Variants in FAM124A observed in about 807,000 individuals in gnomAD.
FAM124A encodes family with sequence similarity 124 member A, also known as protein FAM124A.
A neutral mutation model predicts 24.5 loss-of-function variants in FAM124A; 23 were observed. The observed-to-expected ratio is 0.94, with a 90% CI of 0.68 to 1.33. FAM124A has a LOEUF of 1.33. Ranked by LOEUF, FAM124A falls within the 40% of genes most tolerant of loss-of-function variation. The pLI is 0.00. For missense variants in FAM124A, 623 were observed against 722.8 expected (o/e 0.86, Z 1.58); for synonymous variants, 287 against 314.7 (o/e 0.91, Z 0.93).
intron 3 of FAM124A, among the ~76,000 whole-genome samples, chr13:51,257,602 A>G (rs544867399): frequency 6.6e-6 from 1 of 152,280 alleles, no homozygotes; most frequent in South Asian, 2.1e-4. Flanking sequence ...GATCTTCACC[A>G]AGGCCTACGG....
At chr13:51,278,127 G>GA (rs1199436161) in intron 3 of FAM124A, among the ~76,000 whole-genome samples, 1 of 152,234 alleles carries the variant, frequency 6.6e-6, no homozygotes. Flanking sequence ...GCTTCAAAGA[G>GA]AAAGAAAGGA....
In FAM124A at chr13:51,281,974, C is replaced by G. The variant is rs1954944435; in HGVS notation, c.*718C>G. 1 of 152,150 alleles carries G rather than the reference C, an allele frequency of 6.6e-6. No individual in the cohort carries two copies. The highest frequency in any genetic ancestry group is 2.4e-5 in the African/African-American group (1 of 41,422). 9.4% of individuals were successfully genotyped at this position (152,150 alleles called of 1,614,324 possible). On this transcript the variant is annotated 3_prime_UTR_variant, in exon 4 of 4. Coordinates refer to ENST00000322475, the MANE Select transcript of FAM124A (RefSeq NM_001242312.2). ...TTCCAGAAAGTAGATTTGCATACAC[C>G]TTTTCAACAGCACATTTCACTGGAA...
At chr13:51,231,496 G>C in intron 2 of FAM124A, 117 bp downstream of exon 2, 2 of 1,086,044 alleles carry the variant, frequency 1.8e-6, no homozygotes. Context: ...AAGCATCTTT[G>C]CCAAAGAATG....
intron 2 of FAM124A, among the ~76,000 whole-genome samples, chr13:51,237,579 G>A (rs915566351): frequency 6.6e-6 from 1 of 152,070 alleles, no homozygotes; most frequent in Admixed American, 6.5e-5. Flanking sequence ...CTGAGTGTTG[G>A]TCGATGGTGT....
chr13:51,279,422 G>T (rs1954914376), intron 3 of FAM124A, among the ~76,000 whole-genome samples: 1 of 152,052 alleles, frequency 6.6e-6, no homozygotes, highest in Admixed American at 6.5e-5. Flanking sequence ...CTTATTGCAG[G>T]GATTTGTAAA....
rs1435647048 is a variant in FAM124A at position 51,281,986 on chromosome 13, ACATTT to A, written c.*733_*737del. The A allele has an allele frequency of 6.6e-6, 1 of 152,222 alleles. No individual in the cohort carries two copies. Among genetic ancestry groups the A allele is most frequent in the African/African-American group, 2.4e-5 (1 of 41,462 alleles). 9.4% of individuals were successfully genotyped at this position (152,222 alleles called of 1,614,324 possible). A position where few individuals can be genotyped will look rare whatever the true frequency, so the allele number is the denominator to read the frequency against. ...GATTTGCATACACCTTTTCAACAGC[ACATTT>A]CACTGGAATGGATGAGGGGCTTCTG... On this transcript the variant is annotated 3_prime_UTR_variant, in exon 4 of 4. Coordinates refer to ENST00000322475, the MANE Select transcript of FAM124A (RefSeq NM_001242312.2).
intron 1 of FAM124A, among the ~76,000 whole-genome samples, chr13:51,223,903 G>A (rs1160244294): frequency 6.6e-6 from 1 of 152,086 alleles, no homozygotes; most frequent in East Asian, 1.9e-4. Context: ...AAATTAACCA[G>A]CTTATTTGTA....
chr13:51,226,078 A>G (rs556459982), intron 1 of FAM124A, among the ~76,000 whole-genome samples: 9 of 142,788 alleles, frequency 6.3e-5, no homozygotes, highest in African/African-American at 1.9e-4. Flanking sequence ...CTGCAACCTC[A>G]AATTCCAAGG....
chr13:51,224,963 G>A (rs1285342322), intron 1 of FAM124A, among the ~76,000 whole-genome samples: 1 of 152,122 alleles, frequency 6.6e-6, no homozygotes, highest in African/African-American at 2.4e-5. Context: ...TTGCCTGTCT[G>A]CCAGGTGAAA....
In FAM124A at chr13:51,283,407, C is replaced by T. The variant is rs1488250912; in HGVS notation, c.*2151C>T. Reference sequence around the variant, plus strand: ...GGCCCAAGGGTCATAGTTTATTATCCCTTGAGCTAGGCTGCTGCCTGAGGT... The same window carrying T: ...GGCCCAAGGGTCATAGTTTATTATCTCTTGAGCTAGGCTGCTGCCTGAGGT... On this transcript the variant is annotated 3_prime_UTR_variant, in exon 4 of 4. Coordinates refer to ENST00000322475, the MANE Select transcript of FAM124A (RefSeq NM_001242312.2). 1 of 152,082 alleles carries T rather than the reference C, an allele frequency of 6.6e-6. No individual in the cohort carries two copies. The highest frequency in any genetic ancestry group is 2.4e-5 in the African/African-American group (1 of 41,390). The allele number at this position is 152,082 out of a possible 1,614,324, so 9.4% of individuals were successfully genotyped here.
At chr13:51,260,475 C>T (rs1954724138) in intron 3 of FAM124A, among the ~76,000 whole-genome samples, 1 of 152,198 alleles carries the variant, frequency 6.6e-6, no homozygotes, top group South Asian at 2.1e-4. Context: ...AGCATTTACC[C>T]TAGAAATAAT....
chr13:51,225,012 C>A (rs1297461865), intron 1 of FAM124A: 1 of 152,212 alleles, frequency 6.6e-6, no homozygotes, highest in East Asian at 1.9e-4. Context: ...AGTGACACAT[C>A]TGCTAAGGCA....
chr13:51,224,413 A>G (rs1276047570), intron 1 of FAM124A, among the ~76,000 whole-genome samples: 1 of 152,170 alleles, frequency 6.6e-6, no homozygotes, highest in African/African-American at 2.4e-5. Flanking sequence ...GGAGGTTGCC[A>G]TGAGCTGAGA....
At chr13:51,250,940 T>C (rs1167949471) in intron 2 of FAM124A, among the ~76,000 whole-genome samples, 3 of 152,204 alleles carry the variant, frequency 2.0e-5, no homozygotes, top group African/African-American at 7.2e-5. Flanking sequence ...CCTCACTCCC[T>C]GTGAGGCAGG....
chr13:51,233,570 C>T (rs1470557702), intron 2 of FAM124A, among the ~76,000 whole-genome samples: 1 of 151,872 alleles, frequency 6.6e-6, no homozygotes, highest in African/African-American at 2.4e-5. Context: ...TAGGGGGAAG[C>T]GGGGAGGCTT....
intron 3 of FAM124A, among the ~76,000 whole-genome samples, chr13:51,274,476 G>T (rs1954867351): frequency 6.6e-6 from 1 of 152,160 alleles, no homozygotes; most frequent in South Asian, 2.1e-4. Context: ...TACTCAACCT[G>T]TATTAAACAA....
At position 51,281,082 on chromosome 13, in the gene FAM124A, C is replaced by A; in HGVS notation, c.1467C>A (p.Ser489Arg). Residue 489 changes from serine (S) to arginine (R), a missense_variant, in exon 4 of 4, where the codon AGC becomes AGA. Transcript: ENST00000322475. ...CTTTCTTCACCAAAAGGTCTTCCAGCTCCTCAGCGACAGCTCGTGCTGCTC... is the reference window on the plus strand; with the variant it reads ...CTTTCTTCACCAAAAGGTCTTCCAGATCCTCAGCGACAGCTCGTGCTGCTC... ...SLPFFTKRSS[S>R]SSATARAAPP... The A allele has an allele frequency of 6.2e-7, 1 of 1,614,122 alleles. No individual in the cohort carries two copies. The highest frequency in any genetic ancestry group is 8.5e-7 in the Non-Finnish European group (1 of 1,180,024).
At chr13:51,275,908 T>G (rs1954881827) in intron 3 of FAM124A, among the ~76,000 whole-genome samples, 1 of 152,126 alleles carries the variant, frequency 6.6e-6, no homozygotes, top group Non-Finnish European at 1.5e-5. Flanking sequence ...GTTCACCAAA[T>G]GAGGGGAAGT....
At chr13:51,277,017 A>T (rs547996317) in intron 3 of FAM124A, among the ~76,000 whole-genome samples, 1 of 152,300 alleles carries the variant, frequency 6.6e-6, no homozygotes, top group Admixed American at 6.5e-5. Flanking sequence ...TACCAAAAAG[A>T]TAGCTGCACT....
Sources: allele counts gnomAD v4.1 joint callset (sites outside exome capture counted in the v4.1 genomes callset), GRCh38; gene constraint gnomAD v4.1.1; transcripts MANE v1.5; gene names NCBI Gene and HGNC (gene_info 2026-07-23, HGNC 2026-07-21).